ZFPM2: variants seen among roughly 807,000 people sequenced by gnomAD.
ZFPM2 encodes zinc finger protein ZFPM2.
ZFPM2 carries 20 observed loss-of-function variants against 98.6 expected under a neutral mutation model. The observed-to-expected ratio is 0.20, with a 90% CI of 0.14 to 0.29. ZFPM2 has a LOEUF of 0.29. Among genes scored for constraint, ZFPM2 ranks in the 10% least tolerant of loss-of-function variants. ZFPM2 has a pLI of 1.00. For synonymous variants in ZFPM2, 518 were observed against 502.7 expected, an observed-to-expected ratio of 1.03 and a Z score of -0.41; for missense variants, 1,310 against 1,388.6, an observed-to-expected ratio of 0.94 and a Z score of 0.90.
chr8:105,368,634 C>G (rs964809263), intron 1 of ZFPM2, among the ~76,000 whole-genome samples: 9 of 152,086 alleles, frequency 5.9e-5, no homozygotes, highest in Non-Finnish European at 1.2e-4. Context: ...TGGCAAGTTT[C>G]TTCCTCCCCA....
At chr8:105,790,818 T>G (rs1270576590) in intron 6 of ZFPM2, among the ~76,000 whole-genome samples, 3 of 152,226 alleles carry the variant, frequency 2.0e-5, no homozygotes, top group Non-Finnish European at 4.4e-5. Context: ...ACATCCCTTG[T>G]AAGTTGGATT....
intron 5 of ZFPM2, among the ~76,000 whole-genome samples, chr8:105,660,905 T>C (rs1477428811): frequency 6.6e-6 from 1 of 151,902 alleles, no homozygotes; most frequent in African/African-American, 2.4e-5. Context: ...TAAATGACAA[T>C]CAATAAAAAA....
chr8:105,552,592 C>G (rs1814884989), intron 3 of ZFPM2, among the ~76,000 whole-genome samples: 1 of 152,208 alleles, frequency 6.6e-6, no homozygotes, highest in African/African-American at 2.4e-5. Flanking sequence ...CGAACATTTG[C>G]AAGAGCTAGT....
chr8:105,774,897 G>A lies in ZFPM2; in HGVS notation c.533-13821G>A, dbSNP rs549367919. On this transcript the variant is annotated intron_variant, in intron 5 of 7. Transcript: ENST00000407775. ...GGAGGAGAAACCTCTAAGTGCTTGA[G>A]GGGGACGCGAAGATGGAAGCCACCC... 7.2e-4 allele frequency among the ~76,000 whole-genome samples: 109 copies of A among 152,030 alleles called. 1 individual carries two copies. The highest frequency in any genetic ancestry group is 7.9e-4 in the Non-Finnish European group (54 of 67,980).
intron 4 of ZFPM2, among the ~76,000 whole-genome samples, chr8:105,563,216 CAA>C (rs551368859): frequency 8.5e-5 from 13 of 152,238 alleles, no homozygotes; most frequent in African/African-American, 3.1e-4. Flanking sequence ...ATCCCTTCTT[CAA>C]GTTATTACAT....
chr8:105,421,865 G>A (rs1329569580), intron 2 of ZFPM2, among the ~76,000 whole-genome samples: 1 of 150,436 alleles, frequency 6.6e-6, no homozygotes, highest in South Asian at 2.1e-4. Context: ...TGGCCAACAC[G>A]GCGAAACCCT....
intron 3 of ZFPM2, among the ~76,000 whole-genome samples, chr8:105,478,210 A>G (rs1213850323): frequency 6.6e-6 from 1 of 152,134 alleles, no homozygotes; most frequent in Non-Finnish European, 1.5e-5. Context: ...TACTTTCTGA[A>G]TGTGTGGTTT....
chr8:105,318,861 GCGGC>G lies in ZFPM2; in HGVS notation c.-80_-77del, dbSNP rs1357320029. The G allele has an allele frequency of 4.4e-5, 39 of 888,612 alleles. No homozygotes were observed. Among genetic ancestry groups the G allele is most frequent in the African/African-American group, 1.7e-4 (6 of 36,174 alleles). 55.0% of individuals were successfully genotyped at this position (888,612 alleles called of 1,614,324 possible). A position where few individuals can be genotyped will look rare whatever the true frequency, so the allele number is the denominator to read the frequency against. ...AGCCTGGCCAGCGGCGGCGGCGGCG[GCGGC>G]GGCGGCGGGAGCCGAGGGAGCGGCA... On this transcript the variant is annotated 5_prime_UTR_variant, in exon 1 of 8. Coordinates refer to ENST00000407775, the MANE Select transcript of ZFPM2 (RefSeq NM_012082.4).
chr8:105,579,862 TAGC>T (rs1408836277), intron 4 of ZFPM2, among the ~76,000 whole-genome samples: 1 of 152,166 alleles, frequency 6.6e-6, no homozygotes, highest in Non-Finnish European at 1.5e-5. Flanking sequence ...GAATGAGAAT[TAGC>T]AGGATGAATC....
At chr8:105,504,253 T>G (rs1210513624) in intron 3 of ZFPM2, among the ~76,000 whole-genome samples, 5 of 152,116 alleles carry the variant, frequency 3.3e-5, no homozygotes, top group Admixed American at 2.0e-4. Context: ...AACACAAGAT[T>G]GCTCAGAGAA....
Position 105,801,527 on chromosome 8 carries a change from C to T in ZFPM2, c.1445C>T (p.Ser482Phe). Reference protein sequence around the residue: ...SEPSSPRLASSPVQPNIGPSF... With the variant: ...SEPSSPRLASFPVQPNIGPSF... ...CCCTCTAGCCCAAGACTTGCCTCAT[C>T]TCCAGTTCAGCCTAATATTGGGCCT... Residue 482 changes from serine to phenylalanine, a missense_variant, in exon 8 of 8, where the codon TCT becomes TTT. Coordinates refer to ENST00000407775, the MANE Select transcript of ZFPM2 (RefSeq NM_012082.4). 6.2e-7 allele frequency: 1 copy of T among 1,613,992 alleles called. No homozygotes were observed. Among genetic ancestry groups the T allele is most frequent in the Non-Finnish European group, 8.5e-7 (1 of 1,179,878 alleles).
At chr8:105,354,202 A>T (rs1434311564) in intron 1 of ZFPM2, among the ~76,000 whole-genome samples, 1 of 152,244 alleles carries the variant, frequency 6.6e-6, no homozygotes, top group Non-Finnish European at 1.5e-5. Flanking sequence ...AATATGCCGT[A>T]TTGTAACAAG....
chr8:105,651,305 T>G lies in ZFPM2; in HGVS notation c.532+16948T>G, dbSNP rs182995251. Among the ~76,000 whole-genome samples the G allele has an allele frequency of 5.3e-3, 808 of 152,098 alleles. 10 individuals carry two copies. Among genetic ancestry groups the G allele is most frequent in the African/African-American group, 0.019 (771 of 41,500 alleles). ...TTCAATCATACTCAATTGTTTAAAGTTTCTCCACAAAAATTAGCCGGGTGT... is the reference window on the plus strand; with the variant it reads ...TTCAATCATACTCAATTGTTTAAAGGTTCTCCACAAAAATTAGCCGGGTGT... On this transcript the variant is annotated intron_variant, in intron 5 of 7. Coordinates refer to ENST00000407775, the MANE Select transcript of ZFPM2 (RefSeq NM_012082.4).
chr8:105,650,387 T>C (rs1315014434), intron 5 of ZFPM2, among the ~76,000 whole-genome samples: 3 of 152,174 alleles, frequency 2.0e-5, no homozygotes, highest in African/African-American at 4.8e-5. Flanking sequence ...TCAGTTCTGC[T>C]CTGATCTTAG....
In ZFPM2 at chr8:105,752,483, A is replaced by G. The variant is rs147487076; in HGVS notation, c.533-36235A>G. Among the ~76,000 whole-genome samples the G allele has an allele frequency of 7.8e-3, 1,184 of 152,288 alleles. 13 individuals are homozygous for G. The highest frequency in any genetic ancestry group is 0.025 in the African/African-American group (1,049 of 41,570). On this transcript the variant is annotated intron_variant, in intron 5 of 7. Coordinates refer to ENST00000407775, the MANE Select transcript of ZFPM2 (RefSeq NM_012082.4). Reference sequence around the variant, plus strand: ...TCAATAGATTATTTACTCCTTTGTCATAAACAGGAAACAGTTGGTTGTTTG... The same window carrying G: ...TCAATAGATTATTTACTCCTTTGTCGTAAACAGGAAACAGTTGGTTGTTTG...
intron 1 of ZFPM2, among the ~76,000 whole-genome samples, chr8:105,331,168 T>TAC (rs113815707): frequency 0.26 from 38,286 of 146,582 alleles, 5,701 homozygotes; most frequent in Admixed American, 0.41. Context: ...ATATATATTA[T>TAC]ACACACACAC....
At chr8:105,716,314 TATG>T (rs1314251687) in intron 5 of ZFPM2, among the ~76,000 whole-genome samples, 3 of 151,430 alleles carry the variant, frequency 2.0e-5, no homozygotes, top group East Asian at 1.9e-4. Context: ...TCAGAGCAAA[TATG>T]ATGAATAAAT....
intron 3 of ZFPM2, among the ~76,000 whole-genome samples, chr8:105,556,246 A>C (rs1284490706): frequency 6.6e-6 from 1 of 152,130 alleles, no homozygotes; most frequent in Non-Finnish European, 1.5e-5. Context: ...AGCCAATGGA[A>C]AAGAAAATTA....
chr8:105,555,082 C>CT (rs879460703), intron 3 of ZFPM2, among the ~76,000 whole-genome samples: 878 of 140,492 alleles, frequency 6.2e-3, no homozygotes, highest in Admixed American at 9.0e-3. Flanking sequence ...GACTTAGGGC[C>CT]TTTTTTTTTT....
Sources: gnomAD v4.1 joint callset for allele counts (sites outside exome capture counted in the v4.1 genomes callset) on GRCh38, gnomAD v4.1.1 for gene constraint, MANE v1.5 for transcripts, NCBI Gene and HGNC (gene_info 2026-07-23, HGNC 2026-07-21) for gene names.